Variants in PKN2 observed in about 807,000 individuals in gnomAD.
The protein encoded by PKN2 is serine/threonine-protein kinase N2.
PKN2 carries 38 observed loss-of-function variants against 119.1 expected under a neutral mutation model. That is an observed-to-expected ratio of 0.32 (90% CI 0.25 to 0.42). The LOEUF is 0.42. Among genes scored for constraint, PKN2 ranks in the 10% least tolerant of loss-of-function variants. PKN2 has a pLI of 1.00. For synonymous variants in PKN2, 390 were observed against 384.9 expected (o/e 1.01, Z -0.15); for missense variants, 850 against 1,165.1 (o/e 0.73, Z 3.94).
At chr1:88,740,558 T>C (rs1489082964) in intron 1 of PKN2, among the ~76,000 whole-genome samples, 2 of 152,134 alleles carry the variant, frequency 1.3e-5, no homozygotes, top group Non-Finnish European at 2.9e-5. Context: ...TTGTGAATTA[T>C]CACAGTATCT....
At chr1:88,780,621 A>G (rs1473750378) in intron 6 of PKN2, among the ~76,000 whole-genome samples, 2 of 152,172 alleles carry the variant, frequency 1.3e-5, no homozygotes, top group African/African-American at 4.8e-5. Context: ...ATCTACCTAC[A>G]TATAATCCTA....
intron 8 of PKN2, among the ~76,000 whole-genome samples, chr1:88,797,446 A>G (rs1671120864): frequency 6.6e-6 from 1 of 151,932 alleles, no homozygotes; most frequent in Admixed American, 6.6e-5. Context: ...GATCAAGACC[A>G]TCCTTGCCAA....
intron 6 of PKN2, among the ~76,000 whole-genome samples, chr1:88,775,966 G>A (rs1380362483): frequency 1.3e-5 from 2 of 151,936 alleles, no homozygotes; most frequent in Non-Finnish European, 2.9e-5. Flanking sequence ...AAATTAGCCG[G>A]GCGTGGTGGC....
chr1:88,707,346 TTTAA>T (rs1168950792), intron 1 of PKN2, among the ~76,000 whole-genome samples: 3 of 152,122 alleles, frequency 2.0e-5, no homozygotes, highest in African/African-American at 7.2e-5. Flanking sequence ...TTTTTTTAAA[TTTAA>T]TTCTTTTCCA....
chr1:88,687,570 T>C (rs1666152783), intron 1 of PKN2, among the ~76,000 whole-genome samples: 1 of 152,210 alleles, frequency 6.6e-6, no homozygotes, highest in Admixed American at 6.5e-5. Context: ...AGACCAAATA[T>C]TGAGCAGTGT....
chr1:88,776,107 C>CAAA (rs61540217), intron 6 of PKN2, among the ~76,000 whole-genome samples: 1 of 93,644 alleles, frequency 1.1e-5, no homozygotes, highest in Admixed American at 1.1e-4. Context: ...GACTCCGTCT[C>CAAA]AAAAAAAAAA....
intron 18 of PKN2, among the ~76,000 whole-genome samples, chr1:88,826,969 GC>G (rs1476173856): frequency 6.6e-6 from 1 of 151,282 alleles, no homozygotes; most frequent in East Asian, 1.9e-4. Flanking sequence ...AAGAAATTTT[GC>G]CAAAAAAAAA....
intron 1 of PKN2, among the ~76,000 whole-genome samples, chr1:88,719,340 A>G (rs1351827408): frequency 6.6e-6 from 1 of 152,056 alleles, no homozygotes; most frequent in East Asian, 1.9e-4. Flanking sequence ...TCCTTTCTCT[A>G]CCTTCCAGCT....
At chr1:88,806,113 G>T (rs1055857111) in intron 12 of PKN2, 96 bp downstream of exon 12, 3 of 1,051,088 alleles carry the variant, frequency 2.9e-6, no homozygotes, top group Non-Finnish European at 2.9e-6. Flanking sequence ...ATTTAAAATT[G>T]CCACTGAACT....
chr1:88,824,385 A>G lies in PKN2; in HGVS notation c.2418A>G (p.Glu806=). ...VKIADFGLCK[E]GMGYGDRTST... is the part of the protein sequence containing the mutation. ...TTGCTGATTTTGGTCTTTGCAAAGAAGGTAATCGAATGTTTTTAAGTTTCT... is the reference window on the plus strand; with the variant it reads ...TTGCTGATTTTGGTCTTTGCAAAGAGGGTAATCGAATGTTTTTAAGTTTCT... The change falls in exon 18 of 22, where the codon GAA becomes GAG. Residue 806 remains glutamate, a splice_region_variant and synonymous_variant. Transcript: ENST00000370521. 1 of 1,543,610 alleles carries G rather than the reference A, an allele frequency of 6.5e-7. No individual in the cohort carries two copies. Among genetic ancestry groups the G allele is most frequent in the Non-Finnish European group, 9.0e-7 (1 of 1,116,582 alleles).
At chr1:88,805,353 A>C in intron 10 of PKN2, 144 bp from the exon 11 acceptor site, 1 of 634,512 alleles carries the variant, frequency 1.6e-6, no homozygotes, top group South Asian at 2.4e-5. Context: ...TTACTAGCAA[A>C]TAGTAAAAAA....
chr1:88,784,881 A>G (rs1423686562), intron 7 of PKN2, 57 bp downstream of exon 7: 2 of 996,350 alleles, frequency 2.0e-6, no homozygotes, highest in Non-Finnish European at 2.9e-6. Flanking sequence ...TATACAAGGG[A>G]TTTATGAAGT....
chr1:88,760,109 C>T, intron 2 of PKN2, 113 bp from the exon 3 acceptor site: 3 of 550,246 alleles, frequency 5.5e-6, no homozygotes, highest in Admixed American at 3.4e-5. Flanking sequence ...AAGGAGATTT[C>T]ATTTAGGCTC....
chr1:88,705,112 GCTTAT>G (rs1666924892), intron 1 of PKN2, among the ~76,000 whole-genome samples: 2 of 150,992 alleles, frequency 1.3e-5, no homozygotes, highest in African/African-American at 4.9e-5. Context: ...CAATTCTGTA[GCTTAT>G]CTTTTCTTTT....
chr1:88,776,655 G>A (rs951225792), intron 6 of PKN2, among the ~76,000 whole-genome samples: 4 of 151,774 alleles, frequency 2.6e-5, no homozygotes, highest in East Asian at 2.0e-4. Context: ...CAGGAGAATC[G>A]TTTGAACGCG....
At chr1:88,721,900 GA>G (rs2100706878) in intron 1 of PKN2, among the ~76,000 whole-genome samples, 1 of 152,238 alleles carries the variant, frequency 6.6e-6, no homozygotes. Context: ...TGCACACATG[GA>G]ATTTTCTGAG....
At chr1:88,731,751 T>G (rs1668149400) in intron 1 of PKN2, among the ~76,000 whole-genome samples, 1 of 152,230 alleles carries the variant, frequency 6.6e-6, no homozygotes, top group African/African-American at 2.4e-5. Flanking sequence ...GCTTTTTCAC[T>G]ACTCTGGGAA....
intron 12 of PKN2, 28 bp downstream of exon 12, chr1:88,806,045 C>T: frequency 6.3e-7 from 1 of 1,591,744 alleles, no homozygotes; most frequent in Non-Finnish European, 8.6e-7. Flanking sequence ...TTGCATAATT[C>T]CTCTTCACTG....
chr1:88,703,899 C>A (rs1351757841), intron 1 of PKN2, among the ~76,000 whole-genome samples: 1 of 151,842 alleles, frequency 6.6e-6, no homozygotes, highest in Non-Finnish European at 1.5e-5. Flanking sequence ...TGATGAATAT[C>A]CTTGATATTA....
Sources: gnomAD v4.1 joint callset for allele counts (sites outside exome capture counted in the v4.1 genomes callset) on GRCh38, gnomAD v4.1.1 for gene constraint, MANE v1.5 for transcripts, NCBI Gene and HGNC (gene_info 2026-07-23, HGNC 2026-07-21) for gene names.